The following OLA1 variants were observed in gnomAD, a reference collection of about 807,000 sequenced individuals.
The protein encoded by OLA1 is Obg like ATPase 1.
Under a neutral mutation model 48.4 loss-of-function variants are expected in OLA1, and 14 were observed. That is an observed-to-expected ratio of 0.29 (90% CI 0.19 to 0.45). OLA1 has a LOEUF of 0.45. Among genes scored for constraint, OLA1 ranks in the 20% least tolerant of loss-of-function variants. The probability of loss-of-function intolerance (pLI) is 1.00; values close to 1 mark genes in which losing one functional copy is unlikely to be tolerated. For missense variants in OLA1, 325 were observed against 467.1 expected, an observed-to-expected ratio of 0.70 and a Z score of 2.80; for synonymous variants, 127 against 150.4, an observed-to-expected ratio of 0.84 and a Z score of 1.14.
intron 7 of OLA1, among the ~76,000 whole-genome samples, chr2:174,117,101 C>T (rs538250943): frequency 2.0e-5 from 3 of 152,150 alleles, no homozygotes; most frequent in Non-Finnish European, 4.4e-5. Context: ...GCAGTGATAT[C>T]ATGGGAGTCT....
At chr2:174,245,047 T>C (rs1689097244) in intron 2 of OLA1, among the ~76,000 whole-genome samples, 2 of 152,208 alleles carry the variant, frequency 1.3e-5, no homozygotes, top group Admixed American at 6.5e-5. Context: ...CATTTTAATA[T>C]AGTCCCATTT....
intron 7 of OLA1, among the ~76,000 whole-genome samples, chr2:174,103,850 T>C (rs1685453109): frequency 6.6e-6 from 1 of 152,116 alleles, no homozygotes; most frequent in Non-Finnish European, 1.5e-5. Flanking sequence ...ATAAACATGA[T>C]GCTATGATAG....
intron 7 of OLA1, among the ~76,000 whole-genome samples, chr2:174,108,349 G>C (rs977753831): frequency 6.6e-6 from 1 of 152,080 alleles, no homozygotes; most frequent in African/African-American, 2.4e-5. Flanking sequence ...AAAAACTCCT[G>C]TTCTTCCTTT....
intron 7 of OLA1, among the ~76,000 whole-genome samples, chr2:174,115,477 G>A (rs1685759163): frequency 6.6e-6 from 1 of 152,154 alleles, no homozygotes; most frequent in Non-Finnish European, 1.5e-5. Context: ...ATACATTATG[G>A]TTATTCTTAA....
chr2:174,152,997 C>T (rs1686782437), intron 4 of OLA1, among the ~76,000 whole-genome samples: 1 of 152,166 alleles, frequency 6.6e-6, no homozygotes, highest in Non-Finnish European at 1.5e-5. Context: ...TTACAGGAAA[C>T]AGCTCTAAAA....
At chr2:174,151,849 G>A (rs1441214536) in intron 4 of OLA1, among the ~76,000 whole-genome samples, 3 of 152,152 alleles carry the variant, frequency 2.0e-5, no homozygotes, top group Non-Finnish European at 4.4e-5. Flanking sequence ...ATTGGGGTGC[G>A]AGTGGGGATG....
chr2:174,191,529 A>G (rs1400286538), intron 4 of OLA1, among the ~76,000 whole-genome samples: 1 of 151,716 alleles, frequency 6.6e-6, no homozygotes, highest in African/African-American at 2.4e-5. Flanking sequence ...ATCACAGCTC[A>G]CTGCAGCCTT....
chr2:174,104,896 G>A (rs1435121852), intron 7 of OLA1, among the ~76,000 whole-genome samples: 10 of 151,916 alleles, frequency 6.6e-5, no homozygotes. Flanking sequence ...ATGATTCATA[G>A]TGTCTCTAAT....
intron 4 of OLA1, among the ~76,000 whole-genome samples, chr2:174,199,761 C>A: frequency 6.6e-6 from 1 of 152,094 alleles, no homozygotes; most frequent in East Asian, 1.9e-4. Flanking sequence ...GTTGCAGATT[C>A]CACATTCCGA....
chr2:174,222,892 A>G, intron 4 of OLA1, 141 bp downstream of exon 4: 1 of 818,690 alleles, frequency 1.2e-6, no homozygotes, highest in Non-Finnish European at 1.9e-6. Flanking sequence ...CATTAAAGTC[A>G]CAGATTTACA....
chr2:174,119,204 T>C (rs1685852705), intron 7 of OLA1, among the ~76,000 whole-genome samples: 1 of 152,204 alleles, frequency 6.6e-6, no homozygotes, highest in Non-Finnish European at 1.5e-5. Flanking sequence ...CATATTCTTT[T>C]TAATTCTAAA....
intron 7 of OLA1, among the ~76,000 whole-genome samples, chr2:174,106,881 T>C (rs986091318): frequency 1.3e-5 from 2 of 152,178 alleles, no homozygotes; most frequent in Non-Finnish European, 2.9e-5. Flanking sequence ...TAAAACTTCA[T>C]GTATCAGCTC....
chr2:174,243,726 A>T (rs1689061736), intron 2 of OLA1, among the ~76,000 whole-genome samples: 1 of 152,206 alleles, frequency 6.6e-6, no homozygotes, highest in Non-Finnish European at 1.5e-5. Context: ...AGTACTCAAA[A>T]TAGCGATTGG....
At chr2:174,081,567 G>A (rs930180528) in intron 8 of OLA1, among the ~76,000 whole-genome samples, 1 of 151,934 alleles carries the variant, frequency 6.6e-6, no homozygotes, top group Non-Finnish European at 1.5e-5. Flanking sequence ...TTATTTGATT[G>A]AAATCTGATA....
At chr2:174,139,649 G>A (rs922216820) in intron 5 of OLA1, among the ~76,000 whole-genome samples, 15 of 152,106 alleles carry the variant, frequency 9.9e-5, no homozygotes, top group African/African-American at 2.4e-4. Context: ...GGTGGATCAC[G>A]AGGTCAGGGG....
intron 7 of OLA1, among the ~76,000 whole-genome samples, chr2:174,116,609 A>G (rs1052973494): frequency 4.6e-5 from 7 of 152,210 alleles, no homozygotes; most frequent in Non-Finnish European, 7.4e-5. Flanking sequence ...AACCCAGCCC[A>G]GAAAAGTTGC....
rs985297375 is a variant in OLA1, at chr2:174,118,832, T to C, written c.728+4348A>G. ...AGAAATCATTGGCTATAAATAGTAT[T>C]GCAAAAAATACAAACAGGCCAAGGG... On this transcript the variant is annotated intron_variant, in intron 7 of 10. Transcript: ENST00000284719. Among the ~76,000 whole-genome samples the C allele has an allele frequency of 2.0e-5, 3 of 152,134 alleles. No homozygotes were observed. In the East Asian group the frequency reaches 5.8e-4, roughly 29 times the overall value.
chr2:174,149,935 C>T (rs150915361), intron 4 of OLA1, among the ~76,000 whole-genome samples: 304 of 152,270 alleles, frequency 2.0e-3, no homozygotes, highest in Middle Eastern at 0.01. Context: ...TATATTACTA[C>T]ATAAACTTGG....
intron 7 of OLA1, among the ~76,000 whole-genome samples, chr2:174,107,914 G>A (rs1243742048): frequency 2.0e-5 from 3 of 152,032 alleles, no homozygotes; most frequent in African/African-American, 7.2e-5. Context: ...AAAGGGAGGT[G>A]TTTTAAAGAA....
Sources: allele counts gnomAD v4.1 joint callset (sites outside exome capture counted in the v4.1 genomes callset), GRCh38; gene constraint gnomAD v4.1.1; transcripts MANE v1.5; gene names NCBI Gene and HGNC (gene_info 2026-07-23, HGNC 2026-07-21).